Variants in EFHC2 observed in about 807,000 individuals in gnomAD.
EFHC2 encodes the protein EF-hand domain-containing family member C2.
EFHC2 carries 18 observed loss-of-function variants against 52.7 expected under a neutral mutation model. That is an observed-to-expected ratio of 0.34 (90% CI 0.24 to 0.51). The LOEUF is 0.51. Among genes scored for constraint, EFHC2 ranks in the 20% least tolerant of loss-of-function variants. EFHC2 has a pLI of 0.97. For missense variants in EFHC2, 513 were observed against 562.5 expected, an observed-to-expected ratio of 0.91 and a Z score of 0.89; for synonymous variants, 203 against 204.1, an observed-to-expected ratio of 0.99 and a Z score of 0.04.
intron 11 of EFHC2, among the ~76,000 whole-genome samples, chrX:44,207,176 C>G (rs1209714943): frequency 8.9e-6 from 1 of 111,781 alleles, no homozygotes; most frequent in Non-Finnish European, 1.9e-5. Flanking sequence ...AATTGGATCC[C>G]TAACTCTCAT....
intron 13 of EFHC2, among the ~76,000 whole-genome samples, chrX:44,164,236 C>T (rs1444544415): frequency 8.9e-6 from 1 of 112,079 alleles, no homozygotes; most frequent in Admixed American, 9.5e-5. Flanking sequence ...ATCAAAATAT[C>T]CCCAACAAGA....
At chrX:44,322,557 T>G (rs1340011339) in intron 1 of EFHC2, among the ~76,000 whole-genome samples, 1 of 112,004 alleles carries the variant, frequency 8.9e-6, no homozygotes, top group Non-Finnish European at 1.9e-5. Flanking sequence ...GGCATTCACC[T>G]TCCAGCTTTG....
intron 2 of EFHC2, among the ~76,000 whole-genome samples, chrX:44,281,914 G>A (rs1241030976): frequency 9.0e-6 from 1 of 111,562 alleles, no homozygotes; most frequent in African/African-American, 3.3e-5. Context: ...ACGAGGCATA[G>A]GGTTTATGTG....
chrX:44,242,985 A>G (rs1026699053), intron 7 of EFHC2, among the ~76,000 whole-genome samples: 4 of 112,267 alleles, frequency 3.6e-5, no homozygotes, highest in African/African-American at 1.3e-4. Context: ...AACTTTTAAA[A>G]TAGCCAACTG....
chrX:44,206,139 G>A (rs1208046027), intron 11 of EFHC2, among the ~76,000 whole-genome samples: 1 of 111,854 alleles, frequency 8.9e-6, no homozygotes, highest in Non-Finnish European at 1.9e-5. Flanking sequence ...GGTAAACAAT[G>A]AAATTAAAGC....
At chrX:44,320,628 C>T (rs1326582127) in intron 1 of EFHC2, among the ~76,000 whole-genome samples, 1 of 111,176 alleles carries the variant, frequency 9.0e-6, no homozygotes, top group African/African-American at 3.3e-5. Flanking sequence ...CCTTCCATGG[C>T]CTCCTTTCAA....
intron 3 of EFHC2, among the ~76,000 whole-genome samples, chrX:44,267,692 C>T (rs1227356038): frequency 9.0e-6 from 1 of 110,993 alleles, no homozygotes; most frequent in Non-Finnish European, 1.9e-5. Context: ...TGCACAGCAC[C>T]TAATCTTGAC....
At chrX:44,237,293 T>A (rs1243366080) in intron 8 of EFHC2, among the ~76,000 whole-genome samples, 1 of 111,550 alleles carries the variant, frequency 9.0e-6, no homozygotes, top group Admixed American at 9.5e-5. Flanking sequence ...GCAAATGTTT[T>A]CAGATATTTC....
intron 11 of EFHC2, among the ~76,000 whole-genome samples, chrX:44,221,586 T>C (rs2037193963): frequency 8.9e-6 from 1 of 111,802 alleles, no homozygotes. Context: ...TCTTGGATAT[T>C]CTCAACCCCT....
At chrX:44,193,195 T>G (rs2036936267) in intron 11 of EFHC2, among the ~76,000 whole-genome samples, 1 of 110,775 alleles carries the variant, frequency 9.0e-6, no homozygotes, top group South Asian at 3.9e-4. Flanking sequence ...TTCAACCCAT[T>G]GCTAATCAGA....
chrX:44,289,981 C>T (rs1329780127), intron 2 of EFHC2, among the ~76,000 whole-genome samples: 1 of 111,962 alleles, frequency 8.9e-6, no homozygotes, highest in Non-Finnish European at 1.9e-5. Context: ...GCACCCGGCC[C>T]GGTCTACGTC....
chrX:44,261,501 C>T (rs2037538400), intron 3 of EFHC2, among the ~76,000 whole-genome samples: 1 of 110,750 alleles, frequency 9.0e-6, no homozygotes, highest in Non-Finnish European at 1.9e-5. Context: ...CTGTGGCCAG[C>T]CTTGCATGTG....
At chrX:44,311,922 C>T (rs1046841059) in intron 2 of EFHC2, among the ~76,000 whole-genome samples, 3 of 112,007 alleles carry the variant, frequency 2.7e-5, no homozygotes, top group African/African-American at 6.5e-5. Flanking sequence ...GACAATCTGA[C>T]GAGACTCTTA....
Position 44,250,064 on chromosome X carries a change from T to C in EFHC2, c.858+130A>G, listed in dbSNP as rs141418042. The C allele has an allele frequency of 2.0e-3, 1,557 of 783,843 alleles. 21 individuals are homozygous for C. The African/African-American group carries it at 0.03, about 15-fold the overall frequency. 64.6% of individuals were successfully genotyped at this position (783,843 alleles called of 1,213,427 possible). A position where few individuals can be genotyped will look rare whatever the true frequency, so the allele number is the denominator to read the frequency against. On this transcript the variant is annotated intron_variant, in intron 5 of 14. Transcript: ENST00000420999. The stretch of plus-strand genomic sequence containing the variant: ...ATGTGTATTAATAGAGGGCACAAAA[T>C]GAAAGGTTTCTAAATACCTGCACTA...
chrX:44,214,766 T>C (rs371438087), intron 11 of EFHC2, among the ~76,000 whole-genome samples: 24 of 112,397 alleles, frequency 2.1e-4, no homozygotes, highest in African/African-American at 6.5e-4. Flanking sequence ...GTTCAAATAA[T>C]AGCAACAATG....
intron 2 of EFHC2, among the ~76,000 whole-genome samples, chrX:44,301,115 A>G (rs1345520811): frequency 9.2e-6 from 1 of 108,135 alleles, no homozygotes; most frequent in African/African-American, 3.4e-5. Flanking sequence ...ATCTCAAAAA[A>G]AAAAAAAAAA....
At chrX:44,215,222 A>G (rs1335001545) in intron 11 of EFHC2, among the ~76,000 whole-genome samples, 1 of 111,290 alleles carries the variant, frequency 9.0e-6, no homozygotes, top group African/African-American at 3.3e-5. Flanking sequence ...CTGTAAGTCA[A>G]TTAAACCTCT....
At chrX:44,283,344 A>G (rs1326425132) in intron 2 of EFHC2, among the ~76,000 whole-genome samples, 11 of 110,202 alleles carry the variant, frequency 1.0e-4, no homozygotes, top group African/African-American at 3.0e-4. Flanking sequence ...CACCACACCC[A>G]GCTAATTTTT....
At chrX:44,284,369 A>G (rs1199842418) in intron 2 of EFHC2, 1 of 111,603 alleles carries the variant, frequency 9.0e-6, no homozygotes, top group Non-Finnish European at 1.9e-5. Context: ...CCCTCAATTT[A>G]CAGCTGGAAG....
Sources: allele counts gnomAD v4.1 joint callset (sites outside exome capture counted in the v4.1 genomes callset), GRCh38; gene constraint gnomAD v4.1.1; transcripts MANE v1.5; gene names NCBI Gene and HGNC (gene_info 2026-07-23, HGNC 2026-07-21).